The following TMEM154 variants were observed in gnomAD, a reference collection of about 807,000 sequenced individuals.
TMEM154 encodes the protein transmembrane protein 154.
A neutral mutation model predicts 24.5 loss-of-function variants in TMEM154; 27 were observed. The ratio of observed to expected loss-of-function variants is 1.10; its 90% CI spans 0.81 to 1.52. TMEM154 has a LOEUF of 1.52. Ranked by LOEUF, TMEM154 falls within the 40% of genes most tolerant of loss-of-function variation. The pLI is 0.00. For synonymous variants in TMEM154, 67 were observed against 76.8 expected, an observed-to-expected ratio of 0.87 and a Z score of 0.67; for missense variants, 228 against 213.4, an observed-to-expected ratio of 1.07 and a Z score of -0.43.
At position 152,625,750 on chromosome 4, in the gene TMEM154, C is replaced by A. The variant is rs1334590516; in HGVS notation, c.*2796G>T. On this transcript the variant is annotated 3_prime_UTR_variant, in exon 7 of 7. Coordinates refer to ENST00000304385, the MANE Select transcript of TMEM154 (RefSeq NM_152680.3). ...AGTGAAAATGAATATAATAATTTTA[C>A]AGCTGGTCGGGCTCAGTGGCTCATG... 1 of 149,818 alleles carries A rather than the reference C, an allele frequency of 6.7e-6. No homozygotes were observed. The highest frequency in any genetic ancestry group is 1.5e-5 in the Non-Finnish European group (1 of 67,634). 9.3% of individuals were successfully genotyped at this position (149,818 alleles called of 1,614,324 possible). A position where few individuals can be genotyped will look rare whatever the true frequency, so the allele number is the denominator to read the frequency against.
chr4:152,665,788 C>CTTTTTT (rs560197111), intron 1 of TMEM154, among the ~76,000 whole-genome samples: 10 of 127,134 alleles, frequency 7.9e-5, no homozygotes, highest in South Asian at 2.6e-4. Context: ...CAAGAATTTG[C>CTTTTTT]TTTTTTTTTT....
At chr4:152,652,618 CT>C in intron 2 of TMEM154, 42 bp from the exon 3 acceptor site, 1 of 1,613,516 alleles carries the variant, frequency 6.2e-7, no homozygotes, top group Non-Finnish European at 8.5e-7. Context: ...TGATTGTTCA[CT>C]AACACATGAA....
At chr4:152,649,334 T>C (rs916463407) in intron 3 of TMEM154, among the ~76,000 whole-genome samples, 3 of 152,238 alleles carry the variant, frequency 2.0e-5, no homozygotes, top group Non-Finnish European at 4.4e-5. Flanking sequence ...AAGCCAAAAG[T>C]ACCCAAGTCT....
rs1255129353 is a variant in TMEM154 at position 152,624,471 on chromosome 4, C to T, written c.*4075G>A. On this transcript the variant is annotated 3_prime_UTR_variant, in exon 7 of 7. Transcript: ENST00000304385. ...AAAAAATTAGCCAGTCCTAGTAGTG[C>T]ACACCAGTAGTCCCAGCTACTTGGG... 6.6e-6 allele frequency: 1 copy of T among 152,034 alleles called. No individual in the cohort carries two copies. Among genetic ancestry groups the T allele is most frequent in the Non-Finnish European group, 1.5e-5 (1 of 68,028 alleles). The allele number at this position is 152,034 out of a possible 1,614,324, so 9.4% of individuals were successfully genotyped here. A position where few individuals can be genotyped will look rare whatever the true frequency, so the allele number is the denominator to read the frequency against.
At chr4:152,654,734 C>T (rs1055162411) in intron 1 of TMEM154, among the ~76,000 whole-genome samples, 1 of 152,158 alleles carries the variant, frequency 6.6e-6, no homozygotes, top group African/African-American at 2.4e-5. Flanking sequence ...GAGTTCTCAC[C>T]AAATACTAAA....
At chr4:152,662,612 C>G (rs1016467337) in intron 1 of TMEM154, among the ~76,000 whole-genome samples, 8 of 152,088 alleles carry the variant, frequency 5.3e-5, no homozygotes, top group African/African-American at 1.9e-4. Context: ...GGATTTCCCC[C>G]AAAACATGAC....
At chr4:152,634,620 T>C (rs1752111884) in intron 6 of TMEM154, among the ~76,000 whole-genome samples, 1 of 152,236 alleles carries the variant, frequency 6.6e-6, no homozygotes, top group Non-Finnish European at 1.5e-5. Flanking sequence ...GCTGTGGTTT[T>C]TAAAAGTAAG....
intron 6 of TMEM154, among the ~76,000 whole-genome samples, chr4:152,638,699 A>T (rs1254216430): frequency 6.6e-6 from 1 of 152,236 alleles, no homozygotes; most frequent in East Asian, 1.9e-4. Context: ...ATAAAAAATT[A>T]ACTTTGCAAT....
intron 3 of TMEM154, chr4:152,647,041 T>G: frequency 1.3e-6 from 1 of 778,346 alleles, no homozygotes; most frequent in South Asian, 1.4e-5. Context: ...ATGTTTCCCT[T>G]TCCCTGAACA....
At chr4:152,650,562 T>C (rs1382662852) in intron 3 of TMEM154, among the ~76,000 whole-genome samples, 1 of 152,100 alleles carries the variant, frequency 6.6e-6, no homozygotes, top group Non-Finnish European at 1.5e-5. Context: ...CATTCATGGG[T>C]CTTGGAATCA....
rs1048993611 is a variant in TMEM154, at chr4:152,620,819, C to T, written c.*7727G>A. 2 of 152,170 alleles carry T rather than the reference C, an allele frequency of 1.3e-5. No homozygotes were observed. The highest frequency in any genetic ancestry group is 4.8e-5 in the African/African-American group (2 of 41,442). 9.4% of individuals were successfully genotyped at this position (152,170 alleles called of 1,614,324 possible). ...CCCCGCCAAGTGATGCCTTTTAAAA[C>T]ACTTTCCTACGGCTAGTTATTGGGG... On this transcript the variant is annotated 3_prime_UTR_variant, in exon 7 of 7. Transcript: ENST00000304385.
chr4:152,624,505 G>A lies in TMEM154; in HGVS notation c.*4041C>T, dbSNP rs1579503770. 6.6e-6 allele frequency: 1 copy of A among 152,134 alleles called. No individual in the cohort carries two copies. Among genetic ancestry groups the A allele is most frequent in the East Asian group, 1.9e-4 (1 of 5,188 alleles). The allele number at this position is 152,134 out of a possible 1,614,324, so 9.4% of individuals were successfully genotyped here. A position where few individuals can be genotyped will look rare whatever the true frequency, so the allele number is the denominator to read the frequency against. On this transcript the variant is annotated 3_prime_UTR_variant, in exon 7 of 7. Coordinates refer to ENST00000304385, the MANE Select transcript of TMEM154 (RefSeq NM_152680.3). The stretch of plus-strand genomic sequence containing the variant: ...AGTCCCAGCTACTTGGGAGGCTGAG[G>A]TAATAGAATCACCTGAGCCTGGGAA...
intron 1 of TMEM154, among the ~76,000 whole-genome samples, chr4:152,658,390 C>T (rs1249009083): frequency 2.6e-5 from 4 of 151,612 alleles, no homozygotes; most frequent in Admixed American, 2.0e-4. Flanking sequence ...ACTAGAAAAG[C>T]AAGAGCAAAT....
intron 6 of TMEM154, among the ~76,000 whole-genome samples, chr4:152,629,536 C>A (rs1751992218): frequency 1.3e-5 from 2 of 152,354 alleles, no homozygotes; most frequent in South Asian, 4.1e-4. Flanking sequence ...TCCACCAAGT[C>A]TCCTGGAAAA....
rs763873980 is a variant in TMEM154 at position 152,652,943 on chromosome 4, C to T, written c.65-16G>A. The T allele has an allele frequency of 1.3e-6, 2 of 1,566,150 alleles. No individual in the cohort carries two copies. Among genetic ancestry groups the T allele is most frequent in the East Asian group, 2.2e-5 (1 of 44,456 alleles). ...TCATAATTACCTGTGGGAATAGATA[C>T]AAAATTGAAATTTCCATGGAGACAA... is the stretch of plus-strand genomic sequence containing the variant. On this transcript the variant is annotated splice_polypyrimidine_tract_variant and intron_variant, in intron 1 of 6. Transcript: ENST00000304385.
chr4:152,642,397 T>C (rs2149780807), intron 5 of TMEM154, among the ~76,000 whole-genome samples: 1 of 152,246 alleles, frequency 6.6e-6, no homozygotes, highest in Non-Finnish European at 1.5e-5. Context: ...TTAAAGGGAA[T>C]TTGAAAAAGA....
chr4:152,641,316 G>C (rs1388077409), intron 5 of TMEM154: 1 of 235,340 alleles, frequency 4.2e-6, no homozygotes, highest in Non-Finnish European at 8.2e-6. Flanking sequence ...GAATAAGATG[G>C]CTTCGCCTGA....
Position 152,619,889 on chromosome 4 carries a change from A to C in TMEM154, c.*8657T>G, listed in dbSNP as rs1407115369. On this transcript the variant is annotated 3_prime_UTR_variant, in exon 7 of 7. Transcript: ENST00000304385. ...GCAGATTTGTGTGAAAAATAAATTGAGTGTTGTTGTTTTAAGCTGCTAAGT... is the reference window on the plus strand; with the variant it reads ...GCAGATTTGTGTGAAAAATAAATTGCGTGTTGTTGTTTTAAGCTGCTAAGT... 2 of 152,136 alleles carry C rather than the reference A, an allele frequency of 1.3e-5. No homozygotes were observed. The highest frequency in any genetic ancestry group is 6.5e-5 in the Admixed American group (1 of 15,272). The allele number at this position is 152,136 out of a possible 1,614,324, so 9.4% of individuals were successfully genotyped here.
At chr4:152,639,313 T>TTGA (rs1378241029) in intron 6 of TMEM154, among the ~76,000 whole-genome samples, 1 of 152,190 alleles carries the variant, frequency 6.6e-6, no homozygotes, top group African/African-American at 2.4e-5. Context: ...GCTTCTTCCA[T>TTGA]GTTGCCAACA....
Sources: gnomAD v4.1 joint callset for allele counts (sites outside exome capture counted in the v4.1 genomes callset) on GRCh38, gnomAD v4.1.1 for gene constraint, MANE v1.5 for transcripts, NCBI Gene and HGNC (gene_info 2026-07-23, HGNC 2026-07-21) for gene names.